The following DGKH variants were observed in gnomAD, a reference collection of about 807,000 sequenced individuals.
DGKH encodes DAG kinase eta.
Under a neutral mutation model 159.3 loss-of-function variants are expected in DGKH, and 90 were observed. The observed-to-expected ratio is 0.57, with a 90% CI of 0.48 to 0.67. The LOEUF is 0.67. Ranked by LOEUF, DGKH falls within the 30% of genes least tolerant of loss-of-function variation. DGKH has a pLI of 0.00. For missense variants in DGKH, 1,181 were observed against 1,506.1 expected, an observed-to-expected ratio of 0.78 and a Z score of 3.57; for synonymous variants, 536 against 553.8, an observed-to-expected ratio of 0.97 and a Z score of 0.45.
intron 1 of DGKH, among the ~76,000 whole-genome samples, chr13:42,059,459 A>G (rs987571087): frequency 1.3e-5 from 2 of 152,160 alleles, no homozygotes; most frequent in Non-Finnish European, 2.9e-5. Context: ...TATGTTGACC[A>G]GGCTGTTCTT....
chr13:42,218,941 ATTT>A (rs1957885471), intron 26 of DGKH, among the ~76,000 whole-genome samples: 1 of 152,188 alleles, frequency 6.6e-6, no homozygotes, highest in African/African-American at 2.4e-5. Flanking sequence ...GAAAGAAGAC[ATTT>A]ACACAGAAAA....
At chr13:42,220,746 T>C (rs1048577539) in intron 28 of DGKH, among the ~76,000 whole-genome samples, 1 of 152,198 alleles carries the variant, frequency 6.6e-6, no homozygotes, top group Admixed American at 6.5e-5. Flanking sequence ...TAATAGCACA[T>C]TGATTGCCGT....
At chr13:42,067,069 A>G (rs761222880) in intron 1 of DGKH, among the ~76,000 whole-genome samples, 3 of 152,176 alleles carry the variant, frequency 2.0e-5, no homozygotes, top group Non-Finnish European at 4.4e-5. Context: ...AAATGAAATT[A>G]TATGTTGATT....
chr13:42,186,139 G>A (rs986317084), intron 13 of DGKH, among the ~76,000 whole-genome samples: 7 of 151,964 alleles, frequency 4.6e-5, no homozygotes, highest in African/African-American at 9.7e-5. Context: ...AGAGAAAGTT[G>A]TGAGTGTAAT....
At chr13:42,096,499 A>G (rs1364219510) in intron 1 of DGKH, among the ~76,000 whole-genome samples, 2 of 152,172 alleles carry the variant, frequency 1.3e-5, no homozygotes, top group African/African-American at 4.8e-5. Context: ...ATTGATGGAC[A>G]CCTGGGATGA....
intron 1 of DGKH, among the ~76,000 whole-genome samples, chr13:42,121,111 C>T (rs1022347225): frequency 4.6e-5 from 7 of 151,966 alleles, no homozygotes; most frequent in Non-Finnish European, 1.0e-4. Flanking sequence ...CACACACACA[C>T]ACGCACACAA....
At chr13:42,077,313 A>T (rs1041664620) in intron 1 of DGKH, among the ~76,000 whole-genome samples, 1 of 152,166 alleles carries the variant, frequency 6.6e-6, no homozygotes, top group African/African-American at 2.4e-5. Context: ...TAATACTTAA[A>T]ATACTTAATA....
At chr13:42,209,819 A>G (rs1451007593) in intron 23 of DGKH, among the ~76,000 whole-genome samples, 3 of 152,294 alleles carry the variant, frequency 2.0e-5, no homozygotes, top group East Asian at 1.9e-4. Context: ...ATTATTAACT[A>G]AAGTCCATAG....
intron 3 of DGKH, among the ~76,000 whole-genome samples, chr13:42,138,916 T>C (rs569399987): frequency 6.6e-6 from 1 of 152,358 alleles, no homozygotes; most frequent in East Asian, 1.9e-4. Flanking sequence ...AAGTACAATT[T>C]AGATGGCTTT....
chr13:42,081,849 A>T (rs997405613), intron 1 of DGKH, among the ~76,000 whole-genome samples: 15 of 152,232 alleles, frequency 9.9e-5, no homozygotes, highest in Admixed American at 9.8e-4. Flanking sequence ...AGAAACCAAG[A>T]TCTGAGCCTT....
In DGKH at chr13:42,048,912, G is replaced by A; in HGVS notation, c.139G>A (p.Gly47Arg). The A allele has an allele frequency of 3.0e-6, 4 of 1,355,924 alleles. No homozygotes were observed. Among genetic ancestry groups the A allele is most frequent in the Non-Finnish European group, 3.8e-6 (4 of 1,047,200 alleles). The allele number at this position is 1,355,924 out of a possible 1,614,324, so 84.0% of individuals were successfully genotyped here. ...GTCTGACAGCGAAGCGGAGCAAGAG[G>A]GACCCCAGAAACTGATCCGCAAAGT... ...DSSDSEAEQE[G>R]PQKLIRKVST... The change falls in exon 1 of 30, where the codon GGA becomes AGA. Residue 47 changes from glycine (G) to arginine (R), a missense_variant. Gly to Arg is a moderately radical substitution (Grantham distance 125). Around this residue, in one of 5 missense-constraint regions of DGKH, gnomAD observed 136 missense variants for 132.2 expected, o/e 1.03. Coordinates refer to ENST00000337343, the MANE Select transcript of DGKH (RefSeq NM_178009.5). This position sits in a 1 kb window ranked among gnomAD's most constrained non-coding sequence, Gnocchi z 6.7.
intron 3 of DGKH, among the ~76,000 whole-genome samples, chr13:42,148,631 T>A (rs753400294): frequency 2.0e-5 from 3 of 152,206 alleles, no homozygotes; most frequent in Admixed American, 6.5e-5. Context: ...CTGGTTTGTG[T>A]CTCTTCCTGG....
At position 42,208,983 on chromosome 13, in the gene DGKH, G is replaced by GACA. The variant is rs1957572891; in HGVS notation, c.2628_2630dup (p.Asp876_Lys877insAsn). ...GATATTTGCTGCACCATCCTTTGAT[G>GACA]ACAAGATCCTGGAAGTTGTAGCAAT... On this transcript the variant is annotated inframe_insertion, in exon 22 of 30. Transcript: ENST00000337343. 1 of 1,611,772 alleles carries GACA rather than the reference G, an allele frequency of 6.2e-7. No homozygotes were observed.
At chr13:42,169,290 A>T (rs570242190) in intron 11 of DGKH, among the ~76,000 whole-genome samples, 1 of 152,296 alleles carries the variant, frequency 6.6e-6, no homozygotes, top group Non-Finnish European at 1.5e-5. Flanking sequence ...TCCAATAAGA[A>T]CTAGATATGT....
intron 3 of DGKH, among the ~76,000 whole-genome samples, chr13:42,152,511 A>T (rs1389250644): frequency 6.7e-6 from 1 of 149,346 alleles, no homozygotes; most frequent in East Asian, 1.9e-4. Flanking sequence ...ACATATATAT[A>T]TTATATATAT....
intron 16 of DGKH, among the ~76,000 whole-genome samples, chr13:42,192,294 C>A (rs1468779118): frequency 6.6e-6 from 1 of 152,178 alleles, no homozygotes; most frequent in African/African-American, 2.4e-5. Context: ...GGACCACTCA[C>A]TTTCAATACA....
chr13:42,081,332 C>T (rs1055878681), intron 1 of DGKH, among the ~76,000 whole-genome samples: 4 of 151,938 alleles, frequency 2.6e-5, no homozygotes, highest in Non-Finnish European at 4.4e-5. Flanking sequence ...TGGGTTCAAG[C>T]GATTCTCCTA....
At chr13:42,064,436 G>C (rs899673093) in intron 1 of DGKH, among the ~76,000 whole-genome samples, 1 of 152,194 alleles carries the variant, frequency 6.6e-6, no homozygotes, top group Non-Finnish European at 1.5e-5. Flanking sequence ...GGTGCAGTAA[G>C]TGAAGTGGAG....
intron 1 of DGKH, among the ~76,000 whole-genome samples, chr13:42,111,512 G>T (rs1184600943): frequency 6.6e-6 from 1 of 152,128 alleles, no homozygotes; most frequent in East Asian, 1.9e-4. Context: ...CCTGGGAGGC[G>T]GAGGTTGCAG....
Sources: gnomAD v4.1 joint callset for allele counts (sites outside exome capture counted in the v4.1 genomes callset) on GRCh38, gnomAD v4.1.1 for gene constraint, gnomAD v4.1.1 regional missense constraint, Gnocchi (gnomAD v3.1) non-coding constraint, MANE v1.5 for transcripts, NCBI Gene and HGNC (gene_info 2026-07-23, HGNC 2026-07-21) for gene names.